CACNA2D3: variants seen among roughly 807,000 people sequenced by gnomAD.
CACNA2D3 encodes the protein voltage-dependent calcium channel subunit alpha-2/delta-3.
Under a neutral mutation model 160.6 loss-of-function variants are expected in CACNA2D3, and 60 were observed. That is an observed-to-expected ratio of 0.37 (90% CI 0.30 to 0.46). The LOEUF (loss-of-function observed/expected upper bound fraction) is 0.46, where lower values mean the gene tolerates loss of function less well. Among genes scored for constraint, CACNA2D3 ranks in the 20% least tolerant of loss-of-function variants. The pLI, the probability that CACNA2D3 is intolerant of heterozygous loss-of-function variation, is 1.00. For synonymous variants in CACNA2D3, 558 were observed against 492.9 expected (o/e 1.13, Z -1.75); for missense variants, 1,205 against 1,365.0 (o/e 0.88, Z 1.85).
At chr3:54,873,559 C>G (rs954799109) in intron 18 of CACNA2D3, among the ~76,000 whole-genome samples, 1 of 152,122 alleles carries the variant, frequency 6.6e-6, no homozygotes, top group African/African-American at 2.4e-5. Context: ...CTTTGTATCT[C>G]CTCATCCTAC....
At chr3:54,368,945 C>T (rs1698874409) in intron 3 of CACNA2D3, among the ~76,000 whole-genome samples, 2 of 151,882 alleles carry the variant, frequency 1.3e-5, no homozygotes, top group Non-Finnish European at 2.9e-5. Flanking sequence ...TTGTGATCCT[C>T]CCGCCTCAGC....
At chr3:55,043,017 T>C (rs1349018420) in intron 35 of CACNA2D3, among the ~76,000 whole-genome samples, 1 of 152,188 alleles carries the variant, frequency 6.6e-6, no homozygotes, top group Non-Finnish European at 1.5e-5. Flanking sequence ...TAGAAGGACA[T>C]TTGGACACTT....
At chr3:54,450,653 C>G (rs1158963413) in intron 4 of CACNA2D3, among the ~76,000 whole-genome samples, 1 of 152,148 alleles carries the variant, frequency 6.6e-6, no homozygotes, top group Non-Finnish European at 1.5e-5. Flanking sequence ...CTTCCTCTCT[C>G]AGCATGTGGT....
chr3:54,911,428 G>C (rs761246383), intron 27 of CACNA2D3, among the ~76,000 whole-genome samples: 2 of 133,266 alleles, frequency 1.5e-5, no homozygotes, highest in Non-Finnish European at 3.0e-5. Context: ...TCCTGGGCTC[G>C]AGTGATCCTC....
chr3:54,246,557 G>T (rs1702082703), intron 2 of CACNA2D3, among the ~76,000 whole-genome samples: 1 of 145,728 alleles, frequency 6.9e-6, no homozygotes, highest in Non-Finnish European at 1.5e-5. Context: ...GCCGGGCGTG[G>T]TTGCGGCTGT....
chr3:54,394,317 C>T (rs898281650), intron 4 of CACNA2D3, among the ~76,000 whole-genome samples: 1 of 102,492 alleles, frequency 9.8e-6, no homozygotes, highest in African/African-American at 4.1e-5. Flanking sequence ...GGAGAGTGAA[C>T]ATTTTTTTTT....
intron 29 of CACNA2D3, among the ~76,000 whole-genome samples, 157 bp downstream of exon 29, chr3:54,970,001 T>G (rs1462007102): frequency 6.6e-6 from 1 of 152,132 alleles, no homozygotes; most frequent in Non-Finnish European, 1.5e-5. Flanking sequence ...TTTGCTTTGT[T>G]TCTTTTTTTT....
intron 27 of CACNA2D3, among the ~76,000 whole-genome samples, chr3:54,905,632 C>G (rs1700434575): frequency 6.6e-6 from 1 of 152,088 alleles, no homozygotes. Flanking sequence ...ATTTTGCCAC[C>G]AGGGGACATT....
At chr3:54,879,309 GT>G in intron 19 of CACNA2D3, 40 bp from the exon 20 acceptor site, 11 of 1,474,676 alleles carry the variant, frequency 7.5e-6, no homozygotes, top group Non-Finnish European at 1.0e-5. Flanking sequence ...GACTAACCAT[GT>G]TTTCTTTTCT....
chr3:54,675,744 A>G (rs747079103), intron 11 of CACNA2D3, among the ~76,000 whole-genome samples: 7 of 152,176 alleles, frequency 4.6e-5, no homozygotes, highest in Non-Finnish European at 1.0e-4. Flanking sequence ...CAACAGTCAA[A>G]GAAGTTTCGG....
At chr3:54,241,845 G>A (rs1365410253) in intron 2 of CACNA2D3, among the ~76,000 whole-genome samples, 1 of 152,096 alleles carries the variant, frequency 6.6e-6, no homozygotes, top group Non-Finnish European at 1.5e-5. Context: ...TGTAACCTTG[G>A]GTAAGTTACT....
At chr3:54,219,270 T>G (rs1218208495) in intron 2 of CACNA2D3, among the ~76,000 whole-genome samples, 1 of 152,206 alleles carries the variant, frequency 6.6e-6, no homozygotes, top group Non-Finnish European at 1.5e-5. Flanking sequence ...AGAGTGAAAC[T>G]ATTTACACCT....
At chr3:54,676,003 C>A (rs954913658) in intron 11 of CACNA2D3, among the ~76,000 whole-genome samples, 1 of 152,174 alleles carries the variant, frequency 6.6e-6, no homozygotes, top group Non-Finnish European at 1.5e-5. Flanking sequence ...GCAGAAATGG[C>A]CTTCTTTGAA....
chr3:54,736,032 TATGTATATATATACACATAC>T lies in CACNA2D3; in HGVS notation c.1168-16564_1168-16545del, dbSNP rs2107025871. Among the ~76,000 whole-genome samples, 2 of 60,010 alleles carry T rather than the reference TATGTATATATATACACATAC, an allele frequency of 3.3e-5. 1 individual carries two copies. Among genetic ancestry groups the T allele is most frequent in the Admixed American group, 4.6e-4 (2 of 4,386 alleles). 39.4% of individuals were successfully genotyped at this position (60,010 alleles called of 152,430 possible). On this transcript the variant is annotated intron_variant, in intron 11 of 37. Coordinates refer to ENST00000474759, the MANE Select transcript of CACNA2D3 (RefSeq NM_018398.3). Reference sequence around the variant, plus strand: ...GTATATATATACACATACATATATATATGTATATATATACACATACATATGTATGTATATATATATACATA... The same window carrying T: ...GTATATATATACACATACATATATATATATGTATGTATATATATATACATA...
At chr3:55,067,766 T>C (rs987658023) in intron 35 of CACNA2D3, among the ~76,000 whole-genome samples, 5 of 148,368 alleles carry the variant, frequency 3.4e-5, no homozygotes, top group Admixed American at 2.8e-4. Context: ...GCGATAGATA[T>C]ATAAAGAATT....
intron 25 of CACNA2D3, among the ~76,000 whole-genome samples, chr3:54,896,201 A>G (rs370724899): frequency 1.6e-4 from 25 of 152,002 alleles, no homozygotes; most frequent in African/African-American, 5.8e-4. Context: ...GGATGCACAC[A>G]GGGGGCATGA....
intron 18 of CACNA2D3, among the ~76,000 whole-genome samples, chr3:54,875,923 C>G (rs113101267): frequency 7.2e-5 from 11 of 152,116 alleles, no homozygotes; most frequent in African/African-American, 2.7e-4. Flanking sequence ...ACCACACTTG[C>G]GAATGCTTGA....
At chr3:54,954,389 A>G (rs1701830250) in intron 27 of CACNA2D3, among the ~76,000 whole-genome samples, 1 of 152,160 alleles carries the variant, frequency 6.6e-6, no homozygotes, top group South Asian at 2.1e-4. Flanking sequence ...ATGCTTTCAC[A>G]TTCTTCCCAG....
intron 17 of CACNA2D3, among the ~76,000 whole-genome samples, chr3:54,859,065 T>C (rs1699229310): frequency 6.6e-6 from 1 of 152,242 alleles, no homozygotes; most frequent in South Asian, 2.1e-4. Context: ...TTTTCTTTTA[T>C]TTCTTGCTCC....
Sources: gnomAD v4.1 joint callset for allele counts (sites outside exome capture counted in the v4.1 genomes callset) on GRCh38, gnomAD v4.1.1 for gene constraint, MANE v1.5 for transcripts, NCBI Gene and HGNC (gene_info 2026-07-23, HGNC 2026-07-21) for gene names.